ANO3: variants seen among roughly 807,000 people sequenced by gnomAD.
ANO3 encodes the protein anoctamin 3, also known as anoctamin-3.
A neutral mutation model predicts 144.8 loss-of-function variants in ANO3; 99 were observed. That is an observed-to-expected ratio of 0.68 (90% confidence interval 0.58 to 0.81). ANO3 has a LOEUF of 0.81. ANO3 is among the 30% of genes least tolerant of loss of function. ANO3 has a pLI of 0.00. For missense variants in ANO3, 905 were observed against 1,202.2 expected, an observed-to-expected ratio of 0.75 and a Z score of 3.66; for synonymous variants, 414 against 392.6, an observed-to-expected ratio of 1.05 and a Z score of -0.64.
At chr11:26,512,533 G>C (rs1261971510) in intron 5 of ANO3, among the ~76,000 whole-genome samples, 1 of 152,144 alleles carries the variant, frequency 6.6e-6, no homozygotes, top group Non-Finnish European at 1.5e-5. Context: ...TGTTTTTTAT[G>C]TAGAGGTATA....
intron 24 of ANO3, among the ~76,000 whole-genome samples, chr11:26,655,795 T>C (rs1853668537): frequency 6.6e-6 from 1 of 152,186 alleles, no homozygotes; most frequent in African/African-American, 2.4e-5. Context: ...TAATATTATG[T>C]GCATGCATAT....
At chr11:26,295,875 A>G (rs1024200942) in intron 1 of ANO3, among the ~76,000 whole-genome samples, 2 of 152,100 alleles carry the variant, frequency 1.3e-5, no homozygotes, top group African/African-American at 4.8e-5. Context: ...TATGTTCTTC[A>G]TGGAAATGTC....
At chr11:26,402,610 A>T (rs551531970) in intron 1 of ANO3, among the ~76,000 whole-genome samples, 14 of 152,084 alleles carry the variant, frequency 9.2e-5, no homozygotes, top group Admixed American at 9.2e-4. Context: ...ACCCAGGAAC[A>T]GAAAACTGAA....
At chr11:26,527,796 T>G (rs1021100938) in intron 7 of ANO3, among the ~76,000 whole-genome samples, 1 of 152,162 alleles carries the variant, frequency 6.6e-6, no homozygotes, top group Admixed American at 6.6e-5. Flanking sequence ...TCACATTCAA[T>G]TATTAAACCA....
intron 23 of ANO3, among the ~76,000 whole-genome samples, chr11:26,646,650 T>C (rs1320689387): frequency 6.6e-6 from 1 of 152,108 alleles, no homozygotes; most frequent in African/African-American, 2.4e-5. Context: ...AAACTTCTTT[T>C]TATCAGTTAC....
chr11:26,424,533 A>G (rs991078013), intron 1 of ANO3, among the ~76,000 whole-genome samples: 2 of 152,000 alleles, frequency 1.3e-5, no homozygotes, highest in Admixed American at 1.3e-4. Flanking sequence ...CATTTTTACT[A>G]TCAGCTAACA....
At chr11:26,196,258 A>G (rs1268707149) in intron 1 of ANO3, among the ~76,000 whole-genome samples, 1 of 152,172 alleles carries the variant, frequency 6.6e-6, no homozygotes, top group Non-Finnish European at 1.5e-5. Flanking sequence ...GTAATATAAG[A>G]ATCCCCATCT....
chr11:26,280,626 C>T (rs1324094810), intron 1 of ANO3, among the ~76,000 whole-genome samples: 8 of 152,174 alleles, frequency 5.3e-5, no homozygotes, highest in Non-Finnish European at 4.4e-5. Context: ...GAGGGCTCTG[C>T]CTTTCCCAGT....
intron 1 of ANO3, among the ~76,000 whole-genome samples, chr11:26,339,132 C>G (rs952279876): frequency 1.3e-5 from 2 of 151,816 alleles, no homozygotes; most frequent in African/African-American, 4.8e-5. Flanking sequence ...GAACGCAGCC[C>G]TCCCTGACTC....
chr11:26,551,448 T>C (rs1438329615), intron 12 of ANO3, among the ~76,000 whole-genome samples: 1 of 151,942 alleles, frequency 6.6e-6, no homozygotes, highest in Non-Finnish European at 1.5e-5. Flanking sequence ...GACTAAAAAA[T>C]GTCAAAAGTT....
intron 6 of ANO3, among the ~76,000 whole-genome samples, chr11:26,525,063 C>T (rs559019859): frequency 2.6e-5 from 4 of 152,238 alleles, no homozygotes; most frequent in Non-Finnish European, 5.9e-5. Flanking sequence ...ACTAATTGAG[C>T]TCCCTTTCCT....
intron 18 of ANO3, among the ~76,000 whole-genome samples, chr11:26,629,763 C>A (rs1852715406): frequency 1.3e-5 from 2 of 152,094 alleles, no homozygotes; most frequent in Admixed American, 1.3e-4. Flanking sequence ...TCCCGAGTAG[C>A]TGGGATTACA....
upstream of ANO3, among the ~76,000 whole-genome samples, chr11:26,330,510 A>G (rs1855010024): frequency 1.3e-5 from 2 of 152,176 alleles, no homozygotes; most frequent in African/African-American, 2.4e-5. Context: ...CCATTATGAT[A>G]CATTAAAGAA....
At chr11:26,490,706 G>A (rs1326507357) in intron 4 of ANO3, among the ~76,000 whole-genome samples, 1 of 152,206 alleles carries the variant, frequency 6.6e-6, no homozygotes, top group African/African-American at 2.4e-5. Context: ...TCCAGATGCA[G>A]ACTAGACTTC....
chr11:26,252,719 A>G (rs1852962311), intron 1 of ANO3, among the ~76,000 whole-genome samples: 1 of 152,214 alleles, frequency 6.6e-6, no homozygotes, highest in African/African-American at 2.4e-5. Flanking sequence ...CTACATATGT[A>G]TTTAGACGCA....
At chr11:26,376,126 C>G (rs1856399305) in intron 1 of ANO3, among the ~76,000 whole-genome samples, 1 of 152,050 alleles carries the variant, frequency 6.6e-6, no homozygotes, top group Non-Finnish European at 1.5e-5. Flanking sequence ...TCTTGAATGT[C>G]AAAGAGCATG....
At chr11:26,282,700 T>C (rs1346692535) in intron 1 of ANO3, among the ~76,000 whole-genome samples, 1 of 152,164 alleles carries the variant, frequency 6.6e-6, no homozygotes, top group Non-Finnish European at 1.5e-5. Flanking sequence ...TTGAAAACAA[T>C]ACTTAGTCTG....
At position 26,656,174 on chromosome 11, in the gene ANO3, G is replaced by A. The variant is rs369043422; in HGVS notation, c.2626G>A (p.Glu876Lys). ...TAGCCTATCCTTCTTTGACCTGAGTGAGCTTGGTATGGGAAAATCTGGTTA... is the reference window on the plus strand; with the variant it reads ...TAGCCTATCCTTCTTTGACCTGAGTAAGCTTGGTATGGGAAAATCTGGTTA... ...NNSLSFFDLS[E>K]LGMGKSGYCR... Residue 876 changes from glutamate to lysine, a missense_variant, in exon 25 of 27, where the codon GAG becomes AAG. By Grantham distance (56) the Glu-to-Lys change is moderately conservative (BLOSUM62 1). This residue lies in a region of ANO3 where 597 missense variants were observed against 865.1 expected (regional missense o/e 0.69). Transcript: ENST00000256737. 3.4e-5 allele frequency: 55 copies of A among 1,613,620 alleles called. No homozygotes were observed. Among genetic ancestry groups the A allele is most frequent in the Non-Finnish European group, 4.6e-5 (54 of 1,179,718 alleles).
chr11:26,628,437 A>T (rs552714161), intron 18 of ANO3, among the ~76,000 whole-genome samples: 1 of 152,338 alleles, frequency 6.6e-6, no homozygotes, highest in African/African-American at 2.4e-5. Flanking sequence ...AAAAAGTAAG[A>T]GATATTTTGG....
Sources: gnomAD v4.1 joint callset for allele counts (sites outside exome capture counted in the v4.1 genomes callset) on GRCh38, gnomAD v4.1.1 for gene constraint, gnomAD v4.1.1 regional missense constraint, MANE v1.5 for transcripts, NCBI Gene and HGNC (gene_info 2026-07-23, HGNC 2026-07-21) for gene names.